The following PRIM2 variants were observed in gnomAD, a reference collection of about 807,000 sequenced individuals.
The protein encoded by PRIM2 is DNA primase large subunit.
A neutral mutation model predicts 67.3 loss-of-function variants in PRIM2; 39 were observed. The observed-to-expected ratio is 0.58, with a 90% CI of 0.45 to 0.76. The LOEUF is 0.76. PRIM2 is among the 30% of genes least tolerant of loss of function. PRIM2 has a pLI of 0.00. For missense variants in PRIM2, 398 were observed against 598.7 expected (o/e 0.66, Z 3.50); for synonymous variants, 143 against 198.7 (o/e 0.72, Z 2.36).
intron 9 of PRIM2, among the ~76,000 whole-genome samples, chr6:57,532,949 T>C (rs1217355598): frequency 6.6e-6 from 1 of 152,138 alleles, no homozygotes; most frequent in African/African-American, 2.4e-5. Flanking sequence ...CTCCTTGTGT[T>C]CTCCTGTGGT....
At chr6:57,423,625 CGTG>C (rs1771530669) in intron 7 of PRIM2, among the ~76,000 whole-genome samples, 1 of 152,156 alleles carries the variant, frequency 6.6e-6, no homozygotes, top group African/African-American at 2.4e-5. Flanking sequence ...GAGACTAAGA[CGTG>C]GTCATTGTTA....
intron 7 of PRIM2, among the ~76,000 whole-genome samples, chr6:57,464,534 C>A (rs2397318): frequency 2.0e-5 from 3 of 152,254 alleles, no homozygotes; most frequent in South Asian, 4.1e-4. Flanking sequence ...CTCGACCCCC[C>A]AGTGTGTTGA....
At chr6:57,258,577 C>T in the PRIM2 span, among the ~76,000 whole-genome samples, 5 of 148,166 alleles carry the variant, frequency 3.4e-5, no homozygotes, top group African/African-American at 1.0e-4. Flanking sequence ...CCCCCCAGCC[C>T]CCACCCCAAC....
At chr6:57,230,533 T>C in the PRIM2 span, among the ~76,000 whole-genome samples, 1 of 152,230 alleles carries the variant, frequency 6.6e-6, no homozygotes, top group East Asian at 1.9e-4. Flanking sequence ...AGGGTTGATA[T>C]CAGTTCAGTT....
chr6:57,345,777 C>T (rs1768655635), intron 5 of PRIM2, among the ~76,000 whole-genome samples: 1 of 152,058 alleles, frequency 6.6e-6, no homozygotes, highest in African/African-American at 2.4e-5. Flanking sequence ...CTACGGGCTG[C>T]TGGTTGGCTA....
intron 12 of PRIM2, among the ~76,000 whole-genome samples, chr6:57,616,340 A>T (rs1419474613): frequency 2.0e-5 from 3 of 152,210 alleles, no homozygotes. Flanking sequence ...GCTCAGAACC[A>T]TAGAACTAAT....
chr6:57,509,463 C>T (rs1187367002), intron 8 of PRIM2, among the ~76,000 whole-genome samples: 3 of 152,166 alleles, frequency 2.0e-5, no homozygotes, highest in Non-Finnish European at 4.4e-5. Flanking sequence ...TGTCTGTTTG[C>T]TTTGCCCTTT....
At chr6:57,360,269 C>T (rs1167522635) in intron 5 of PRIM2, among the ~76,000 whole-genome samples, 1 of 152,150 alleles carries the variant, frequency 6.6e-6, no homozygotes, top group Non-Finnish European at 1.5e-5. Context: ...ATGAAACAAT[C>T]ATAAGTTACT....
At chr6:57,312,450 A>AAGCC, upstream of PRIM2, among the ~76,000 whole-genome samples, 1 of 152,040 alleles carries the variant, frequency 6.6e-6, no homozygotes, top group Non-Finnish European at 1.5e-5. Flanking sequence ...TGCAGTGGGC[A>AAGCC]GTGATAGCAT....
chr6:57,257,523 G>C, the PRIM2 span, among the ~76,000 whole-genome samples: 1 of 152,042 alleles, frequency 6.6e-6, no homozygotes, highest in African/African-American at 2.4e-5. Flanking sequence ...TGCCCGCCTC[G>C]GCCTCCCAAA....
intron 3 of PRIM2, among the ~76,000 whole-genome samples, chr6:57,322,781 CACA>C (rs2127271647): frequency 6.6e-6 from 1 of 152,268 alleles, no homozygotes; most frequent in Non-Finnish European, 1.5e-5. Context: ...TGGAAGGCAA[CACA>C]ACATGTGTAT....
intron 11 of PRIM2, among the ~76,000 whole-genome samples, chr6:57,601,697 C>T (rs1200631319): frequency 1.3e-5 from 2 of 151,996 alleles, no homozygotes; most frequent in Non-Finnish European, 2.9e-5. Context: ...TTTAACATGT[C>T]GTGATATCTG....
rs1481154806 is a variant in PRIM2, at chr6:57,576,138, G to C, written c.1021-24955G>C. 5.3e-5 allele frequency among the ~76,000 whole-genome samples: 8 copies of C among 151,890 alleles called. No individual in the cohort carries two copies. In the East Asian group the frequency reaches 1.6e-3, roughly 29 times the overall value. ...TTCCCAACTGTTGTTGGGAAAACATGTTCCCAACATGTTGGGAAGGCATGT... is the reference window on the plus strand; with the variant it reads ...TTCCCAACTGTTGTTGGGAAAACATCTTCCCAACATGTTGGGAAGGCATGT... On this transcript the variant is annotated intron_variant, in intron 10 of 13. Transcript: ENST00000615550.
chr6:57,491,579 G>C (rs1478177978), intron 7 of PRIM2, among the ~76,000 whole-genome samples: 21 of 152,124 alleles, frequency 1.4e-4, no homozygotes, highest in African/African-American at 5.1e-4. Context: ...TTTTAGAAAC[G>C]TGCTTTTACA....
rs1491254699 is a variant in PRIM2 at position 57,330,384 on chromosome 6, T to TG, written c.459+4339_459+4340insG. Among the ~76,000 whole-genome samples the TG allele has an allele frequency of 1.6e-3, 57 of 35,110 alleles. 1 individual carries two copies. The highest frequency in any genetic ancestry group is 5.5e-3 in the African/African-American group (44 of 8,046). 23.0% of individuals were successfully genotyped at this position (35,110 alleles called of 152,430 possible). A position where few individuals can be genotyped will look rare whatever the true frequency, so the allele number is the denominator to read the frequency against. ...TTGTTTTTGTTTTTTTGTTTTTTTG[T>TG]TTTTTTTTTTTTGAGATGGAGTCTT... On this transcript the variant is annotated intron_variant, in intron 5 of 13. Transcript: ENST00000615550.
At chr6:57,268,185 T>C in the PRIM2 span, among the ~76,000 whole-genome samples, 1 of 152,168 alleles carries the variant, frequency 6.6e-6, no homozygotes, top group East Asian at 1.9e-4. Flanking sequence ...AGACATGTCT[T>C]CCTAGTCATA....
At chr6:57,444,960 A>C (rs1326471055) in intron 7 of PRIM2, among the ~76,000 whole-genome samples, 1 of 151,978 alleles carries the variant, frequency 6.6e-6, no homozygotes, top group South Asian at 2.1e-4. Context: ...GTATCTTTCT[A>C]GCATTAAGAA....
At chr6:57,281,543 C>CACTAACTAAAAATG in the PRIM2 span, among the ~76,000 whole-genome samples, 1 of 152,088 alleles carries the variant, frequency 6.6e-6, no homozygotes, top group Non-Finnish European at 1.5e-5. Context: ...CTAAAATGAC[C>CACTAACTAAAAATG]ACTAACTAAA....
the PRIM2 span, among the ~76,000 whole-genome samples, chr6:57,308,030 G>C: frequency 1.1e-4 from 17 of 152,046 alleles, no homozygotes; most frequent in Non-Finnish European, 2.4e-4. Flanking sequence ...CATCCATGTC[G>C]ATATGCTTAC....
Sources: gnomAD v4.1 joint callset for allele counts (sites outside exome capture counted in the v4.1 genomes callset) on GRCh38, gnomAD v4.1.1 for gene constraint, MANE v1.5 for transcripts, NCBI Gene and HGNC (gene_info 2026-07-23, HGNC 2026-07-21) for gene names.